The following TPRG1 variants were observed in gnomAD, a reference collection of about 807,000 sequenced individuals.
The protein encoded by TPRG1 is tumor protein p63 regulated 1.
A neutral mutation model predicts 29.3 loss-of-function variants in TPRG1; 29 were observed. The ratio of observed to expected loss-of-function variants is 0.99; its 90% CI spans 0.74 to 1.35. The LOEUF (loss-of-function observed/expected upper bound fraction) is 1.35, where lower values mean the gene tolerates loss of function less well. Among genes scored for constraint, TPRG1 ranks in the 40% most tolerant of loss-of-function variants. The pLI is 0.00. For missense variants in TPRG1, 327 were observed against 335.0 expected (o/e 0.98, Z 0.19); for synonymous variants, 130 against 116.8 (o/e 1.11, Z -0.73).
chr3:189,310,132 T>C (rs9820403), intron 4 of TPRG1: 18,949 of 251,846 alleles, frequency 0.075, 1,132 homozygotes, highest in African/African-American at 0.19. Context: ...AATATCCGTA[T>C]TTCCAGCTCT....
upstream of TPRG1, among the ~76,000 whole-genome samples, chr3:189,169,454 C>T (rs572456407): frequency 6.6e-6 from 1 of 152,168 alleles, no homozygotes; most frequent in Non-Finnish European, 1.5e-5. Context: ...CATGAGCCAC[C>T]AGGCCCGGCC....
At chr3:189,239,056 GTTCC>G in intron 4 of TPRG1, 147 bp downstream of exon 4, 5 of 616,408 alleles carry the variant, frequency 8.1e-6, no homozygotes, top group Non-Finnish European at 1.3e-5. Context: ...TTAAACTAGA[GTTCC>G]TACTCTATGT....
chr3:189,025,291 A>C (rs139532011), intron 4 of TPRG1, among the ~76,000 whole-genome samples: 13 of 152,250 alleles, frequency 8.5e-5, no homozygotes, highest in African/African-American at 3.1e-4. Flanking sequence ...TCCAGGGGTC[A>C]CACATTCACT....
chr3:189,199,782 AT>A (rs1733151345), intron 1 of TPRG1, among the ~76,000 whole-genome samples: 1 of 152,162 alleles, frequency 6.6e-6, no homozygotes, highest in African/African-American at 2.4e-5. Context: ...CAGAAGGCTG[AT>A]CCAGGCGAAT....
At chr3:189,216,899 T>G (rs1736153208) in intron 3 of TPRG1, among the ~76,000 whole-genome samples, 1 of 152,172 alleles carries the variant, frequency 6.6e-6, no homozygotes, top group African/African-American at 2.4e-5. Flanking sequence ...ATTTTGGAGA[T>G]CCCATCAGTA....
chr3:189,206,867 G>A (rs1216959293), intron 1 of TPRG1, among the ~76,000 whole-genome samples: 3 of 150,538 alleles, frequency 2.0e-5, no homozygotes, highest in African/African-American at 5.0e-5. Context: ...GAGTCTTTGG[G>A]TATTCGTCTA....
chr3:189,232,721 A>T (rs1411410633), intron 3 of TPRG1, among the ~76,000 whole-genome samples: 1 of 152,174 alleles, frequency 6.6e-6, no homozygotes, highest in African/African-American at 2.4e-5. Context: ...GTTGGTGACC[A>T]TTGGGTTTCT....
chr3:189,130,309 T>C (rs1278014258), intron 2 of TPRG1, among the ~76,000 whole-genome samples: 3 of 152,220 alleles, frequency 2.0e-5, no homozygotes, highest in Non-Finnish European at 4.4e-5. Flanking sequence ...CCATGATTCC[T>C]TTCTGCCTGG....
chr3:189,121,853 G>A (rs969345382), intron 1 of TPRG1: 10 of 152,152 alleles, frequency 6.6e-5, no homozygotes, highest in African/African-American at 2.4e-4. Flanking sequence ...GCAGATTCAA[G>A]GAGTAAAGGT....
chr3:189,275,465 G>T (rs774413873), intron 4 of TPRG1, among the ~76,000 whole-genome samples: 1 of 152,174 alleles, frequency 6.6e-6, no homozygotes, highest in Non-Finnish European at 1.5e-5. Context: ...CAACACAAAG[G>T]AAATAGTATA....
At chr3:189,207,633 C>G in intron 2 of TPRG1, 39 bp downstream of exon 2, 1 of 1,582,846 alleles carries the variant, frequency 6.3e-7, no homozygotes, top group Non-Finnish European at 8.7e-7. Context: ...TATAAAAATT[C>G]ACCCCAAGAC....
intron 1 of TPRG1, among the ~76,000 whole-genome samples, chr3:189,197,790 A>T (rs1279917057): frequency 6.6e-6 from 1 of 152,246 alleles, no homozygotes; most frequent in Non-Finnish European, 1.5e-5. Context: ...AAACACATAA[A>T]CAAGAAAGAA....
intron 5 of TPRG1, among the ~76,000 whole-genome samples, chr3:189,163,216 C>T (rs1003148837): frequency 9.9e-5 from 15 of 152,144 alleles, no homozygotes; most frequent in Non-Finnish European, 2.1e-4. Context: ...GAGGGTGCAG[C>T]GAGCCAAGAT....
rs140368767 is a variant in TPRG1 at position 189,073,180 on chromosome 3, T to C, written c.-463+49234T>C. Among the ~76,000 whole-genome samples, 667 of 152,306 alleles carry C rather than the reference T, an allele frequency of 4.4e-3. 2 individuals are homozygous for C. The highest frequency in any genetic ancestry group is 5.8e-3 in the Non-Finnish European group (395 of 68,008). ...AGCTTTCATAGACAGACCTAGGAAA[T>C]AGATACCTATATGGAATCAGAAGTT... On this transcript the variant is annotated intron_variant, in intron 4 of 10. Transcript: ENST00000433971.
intron 3 of TPRG1, among the ~76,000 whole-genome samples, chr3:189,138,910 C>T (rs546544248): frequency 1.1e-4 from 17 of 152,202 alleles, no homozygotes; most frequent in Non-Finnish European, 1.6e-4. Context: ...TGCCCTGTGG[C>T]CACACTCCTT....
At chr3:189,167,013 G>C (rs1316397855), upstream of TPRG1, among the ~76,000 whole-genome samples, 1 of 152,186 alleles carries the variant, frequency 6.6e-6, no homozygotes, top group Non-Finnish European at 1.5e-5. Flanking sequence ...GAAGAGGTGG[G>C]AGCTGCTCAC....
chr3:189,290,712 A>T (rs1718850215), intron 4 of TPRG1, among the ~76,000 whole-genome samples: 1 of 152,142 alleles, frequency 6.6e-6, no homozygotes, highest in African/African-American at 2.4e-5. Flanking sequence ...CGTTTAGGAG[A>T]GGCCATTTTG....
At chr3:189,032,059 C>A (rs1481144227) in intron 4 of TPRG1, among the ~76,000 whole-genome samples, 1 of 152,032 alleles carries the variant, frequency 6.6e-6, no homozygotes, top group East Asian at 1.9e-4. Context: ...ATGTTTGTAA[C>A]CCATAACTAT....
At chr3:189,140,960 G>A (rs913282274) in intron 3 of TPRG1, among the ~76,000 whole-genome samples, 1 of 152,162 alleles carries the variant, frequency 6.6e-6, no homozygotes, top group Non-Finnish European at 1.5e-5. Flanking sequence ...GTCCTACCTG[G>A]TGATGAGTAA....
Sources: gnomAD v4.1 joint callset for allele counts (sites outside exome capture counted in the v4.1 genomes callset) on GRCh38, gnomAD v4.1.1 for gene constraint, MANE v1.5 for transcripts, NCBI Gene and HGNC (gene_info 2026-07-23, HGNC 2026-07-21) for gene names.